Variants in STK32A observed in about 807,000 individuals in gnomAD.
STK32A encodes the protein serine/threonine kinase 32A.
A neutral mutation model predicts 53.2 loss-of-function variants in STK32A; 41 were observed. The ratio of observed to expected loss-of-function variants is 0.77; its 90% CI spans 0.60 to 1.00. STK32A has a LOEUF of 1.00. STK32A is among the 50% of genes least tolerant of loss of function. STK32A has a pLI of 0.00. For synonymous variants in STK32A, 166 were observed against 162.8 expected (o/e 1.02, Z -0.15); for missense variants, 458 against 485.8 (o/e 0.94, Z 0.54).
chr5:147,331,235 T>C (rs186515238), intron 5 of STK32A, among the ~76,000 whole-genome samples: 3 of 152,296 alleles, frequency 2.0e-5, no homozygotes, highest in Non-Finnish European at 4.4e-5. Flanking sequence ...AGCACCTATG[T>C]CACTTTTTTA....
chr5:147,310,258 C>A (rs1251812097), intron 4 of STK32A, among the ~76,000 whole-genome samples: 1 of 152,146 alleles, frequency 6.6e-6, no homozygotes, highest in Non-Finnish European at 1.5e-5. Context: ...GGTAAAGGAA[C>A]ATTGGGTGCA....
At chr5:147,270,196 A>T (rs17106372) in intron 2 of STK32A, among the ~76,000 whole-genome samples, 1 of 152,088 alleles carries the variant, frequency 6.6e-6, no homozygotes, top group Non-Finnish European at 1.5e-5. Flanking sequence ...AACTACATAA[A>T]ATTTAAAACT....
Position 147,279,227 on chromosome 5 carries a change from A to G in STK32A, c.109-20A>G. 1 of 1,595,940 alleles carries G rather than the reference A, an allele frequency of 6.3e-7. No homozygotes were observed. Among genetic ancestry groups the G allele is most frequent in the Admixed American group, 1.7e-5 (1 of 59,438 alleles). ...CCATTATCTCCCTAATCACTCTCTC[A>G]CTCGGGTTTTCACCATTAGGTCTGC... On this transcript the variant is annotated intron_variant, in intron 3 of 12. Coordinates refer to ENST00000397936, the MANE Select transcript of STK32A (RefSeq NM_001112724.2).
chr5:147,250,670 GGT>G (rs796297166), intron 2 of STK32A, among the ~76,000 whole-genome samples: 6 of 152,144 alleles, frequency 3.9e-5, no homozygotes, highest in African/African-American at 1.4e-4. Flanking sequence ...GGCCCAGTGC[GGT>G]GGCTCACGCC....
chr5:147,243,753 T>C (rs1753673151), intron 2 of STK32A, among the ~76,000 whole-genome samples: 1 of 122,914 alleles, frequency 8.1e-6, no homozygotes, highest in Non-Finnish European at 1.8e-5. Flanking sequence ...AAAAACGGCT[T>C]GCTTATTTGA....
intron 4 of STK32A, among the ~76,000 whole-genome samples, chr5:147,298,444 C>A (rs80245543): frequency 0.077 from 11,702 of 152,190 alleles, 460 homozygotes; most frequent in Middle Eastern, 0.11. Context: ...TTAAAAGGTA[C>A]CACATTTTGG....
intron 5 of STK32A, among the ~76,000 whole-genome samples, chr5:147,335,840 T>G (rs1755092619): frequency 6.6e-6 from 1 of 152,240 alleles, no homozygotes; most frequent in African/African-American, 2.4e-5. Flanking sequence ...TGCGCGCATG[T>G]GTGCATGAAT....
chr5:147,279,368 G>T lies in STK32A; in HGVS notation c.230G>T (p.Gly77Val), dbSNP rs1233966528. The change falls in exon 4 of 13, where the codon GGT becomes GTT. Residue 77 changes from glycine (G) to valine (V), a missense_variant. Transcript: ENST00000397936. The part of the protein sequence containing the change: ...NVFKELQIMQ[G>V]LEHPFLVNLW... ...TTCAAGGAACTCCAGATCATGCAGG[G>T]TCTGGAGCACCCTTTCCTGGTTAAT... 6.2e-7 allele frequency: 1 copy of T among 1,604,462 alleles called. No homozygotes were observed. The highest frequency in any genetic ancestry group is 1.1e-5 in the South Asian group (1 of 89,506).
intron 4 of STK32A, among the ~76,000 whole-genome samples, chr5:147,318,161 A>G (rs1754104384): frequency 6.6e-6 from 1 of 152,136 alleles, no homozygotes; most frequent in Non-Finnish European, 1.5e-5. Context: ...GCTGTATACT[A>G]TACTGCATAC....
chr5:147,300,431 C>G (rs1753074443), intron 4 of STK32A, among the ~76,000 whole-genome samples: 1 of 152,202 alleles, frequency 6.6e-6, no homozygotes. Context: ...TATTGTCTTT[C>G]ATATCCCACA....
At chr5:147,339,633 G>C (rs1362270851) in intron 5 of STK32A, among the ~76,000 whole-genome samples, 1 of 152,246 alleles carries the variant, frequency 6.6e-6, no homozygotes, top group Non-Finnish European at 1.5e-5. Flanking sequence ...CCAGGAAGGG[G>C]GCTGCACCCT....
At chr5:147,379,205 A>C (rs1373670240) in intron 11 of STK32A, among the ~76,000 whole-genome samples, 1 of 151,678 alleles carries the variant, frequency 6.6e-6, no homozygotes, top group East Asian at 1.9e-4. Flanking sequence ...GAGTTCATTC[A>C]TGATTTGTCT....
At chr5:147,254,700 T>A (rs1754147817) in intron 2 of STK32A, among the ~76,000 whole-genome samples, 1 of 152,122 alleles carries the variant, frequency 6.6e-6, no homozygotes, top group African/African-American at 2.4e-5. Flanking sequence ...TTGGCTAATT[T>A]AAAGAGAATG....
intron 11 of STK32A, among the ~76,000 whole-genome samples, chr5:147,378,958 G>C (rs889897492): frequency 1.1e-4 from 15 of 139,448 alleles, no homozygotes; most frequent in South Asian, 4.8e-4. Context: ...TTCTAATTCT[G>C]TGAAGAATGC....
At chr5:147,317,323 CTTTTTTTTTT>C (rs3064294) in intron 4 of STK32A, among the ~76,000 whole-genome samples, 3 of 81,308 alleles carry the variant, frequency 3.7e-5, no homozygotes, top group African/African-American at 5.0e-5. Flanking sequence ...CTTTTTCTTT[CTTTTTTTTTT>C]TTTTTTTTTT....
At chr5:147,341,383 T>C (rs1008833550) in intron 5 of STK32A, among the ~76,000 whole-genome samples, 4 of 152,202 alleles carry the variant, frequency 2.6e-5, no homozygotes, top group Non-Finnish European at 5.9e-5. Flanking sequence ...TGTCATTAAG[T>C]TCTTCATTTA....
chr5:147,377,294 CTT>C (rs1309728935), intron 11 of STK32A, among the ~76,000 whole-genome samples: 2 of 151,890 alleles, frequency 1.3e-5, no homozygotes, highest in Admixed American at 6.6e-5. Flanking sequence ...TTATTTCAGT[CTT>C]TTTAAATTTT....
chr5:147,383,413 C>G (rs762551977), intron 11 of STK32A, 28 bp from the exon 12 acceptor site: 2 of 1,566,656 alleles, frequency 1.3e-6, no homozygotes, highest in Non-Finnish European at 1.7e-6. Flanking sequence ...AACTATACCT[C>G]TATTTTTTTT....
chr5:147,316,474 A>C (rs926205668), intron 4 of STK32A, among the ~76,000 whole-genome samples: 2 of 152,216 alleles, frequency 1.3e-5, no homozygotes, highest in Non-Finnish European at 2.9e-5. Context: ...ATGATCTAAC[A>C]TGACTATGTT....
Sources: gnomAD v4.1 joint callset for allele counts (sites outside exome capture counted in the v4.1 genomes callset) on GRCh38, gnomAD v4.1.1 for gene constraint, MANE v1.5 for transcripts, NCBI Gene and HGNC (gene_info 2026-07-23, HGNC 2026-07-21) for gene names.